Variants in STAC observed in about 807,000 individuals in gnomAD.
STAC encodes SH3 and cysteine rich domain, also known as SH3 and cysteine-rich domain-containing protein.
Under a neutral mutation model 48.8 loss-of-function variants are expected in STAC, and 43 were observed. That is an observed-to-expected ratio of 0.88 (90% CI 0.69 to 1.14). The LOEUF (loss-of-function observed/expected upper bound fraction) is 1.14. Among genes scored for constraint, STAC ranks in the 50% most tolerant of loss-of-function variants. The pLI, the probability that STAC is intolerant of heterozygous loss-of-function variation, is 0.00. For synonymous variants in STAC, 193 were observed against 179.5 expected (o/e 1.07, Z -0.60); for missense variants, 497 against 504.0 (o/e 0.99, Z 0.13).
intron 1 of STAC, among the ~76,000 whole-genome samples, chr3:36,398,276 A>G (rs981022024): frequency 6.7e-6 from 1 of 149,866 alleles, no homozygotes; most frequent in African/African-American, 2.5e-5. Flanking sequence ...TTTTACTGCC[A>G]TCTATGAAGG....
At chr3:36,524,215 C>A (rs34328673) in intron 8 of STAC, among the ~76,000 whole-genome samples, 14 of 152,164 alleles carry the variant, frequency 9.2e-5, no homozygotes, top group Non-Finnish European at 1.8e-4. Context: ...TGTTGGGGTG[C>A]GGACTTAGTC....
At chr3:36,475,813 T>A (rs1575225808) in intron 2 of STAC, among the ~76,000 whole-genome samples, 1 of 152,188 alleles carries the variant, frequency 6.6e-6, no homozygotes, top group Admixed American at 6.5e-5. Flanking sequence ...GAAGAGCCAG[T>A]AGCAGAGACA....
chr3:36,387,667 C>A (rs898534970), intron 1 of STAC, among the ~76,000 whole-genome samples: 5 of 151,940 alleles, frequency 3.3e-5, no homozygotes, highest in Admixed American at 2.0e-4. Context: ...TATCAGAATT[C>A]CCTTCTTTTT....
intron 1 of STAC, among the ~76,000 whole-genome samples, chr3:36,428,716 T>C (rs1348074543): frequency 6.6e-6 from 1 of 152,150 alleles, no homozygotes; most frequent in Non-Finnish European, 1.5e-5. Context: ...AGCAGTTTTC[T>C]GGTGTGTTTG....
At chr3:36,454,101 AAG>A (rs113805057) in intron 2 of STAC, among the ~76,000 whole-genome samples, 328 of 152,250 alleles carry the variant, frequency 2.2e-3, no homozygotes, top group African/African-American at 7.4e-3. Context: ...GGGGCCAAAT[AAG>A]AGAATAAAAG....
At chr3:36,485,473 TA>T (rs906514190) in intron 4 of STAC, among the ~76,000 whole-genome samples, 4 of 152,190 alleles carry the variant, frequency 2.6e-5, no homozygotes, top group Non-Finnish European at 5.9e-5. Flanking sequence ...ATAATTGCTA[TA>T]AAAAATAAAT....
intron 8 of STAC, among the ~76,000 whole-genome samples, chr3:36,527,277 T>C (rs1361184065): frequency 6.6e-6 from 1 of 152,206 alleles, no homozygotes; most frequent in Non-Finnish European, 1.5e-5. Context: ...AGAAATATTG[T>C]TTTGAAAATA....
chr3:36,462,540 A>G (rs1194188526), intron 2 of STAC, among the ~76,000 whole-genome samples: 1 of 152,162 alleles, frequency 6.6e-6, no homozygotes, highest in Non-Finnish European at 1.5e-5. Context: ...GGAGCCCTCC[A>G]ATGTTAAAAA....
At chr3:36,530,593 C>CTTT (rs577222686) in intron 10 of STAC, among the ~76,000 whole-genome samples, 2 of 72,018 alleles carry the variant, frequency 2.8e-5, no homozygotes, top group African/African-American at 6.1e-5. Context: ...TTTTTTTTTT[C>CTTT]TTTTTTTTTT....
Position 36,485,005 on chromosome 3 carries a change from C to T in STAC, c.518C>T (p.Ser173Phe). Residue 173 changes from serine to phenylalanine, a missense_variant, in exon 4 of 11, where the codon TCC becomes TTC. Ser to Phe is a radical substitution (Grantham distance 155). Transcript: ENST00000273183. The part of the protein sequence containing the change: ...LPKGFRRYYS[S>F]PLLIHEQFGC... ...AAGGGGTTTCGGCGTTACTACAGCT[C>T]CCCCTTGCTCATTCATGAACAGTTT... is the stretch of plus-strand genomic sequence containing the variant. 1 of 1,603,452 alleles carries T rather than the reference C, an allele frequency of 6.2e-7. No homozygotes were observed. The highest frequency in any genetic ancestry group is 8.5e-7 in the Non-Finnish European group (1 of 1,175,098).
chr3:36,475,645 G>A (rs1388578267), intron 2 of STAC, among the ~76,000 whole-genome samples: 2 of 152,160 alleles, frequency 1.3e-5, no homozygotes, highest in African/African-American at 2.4e-5. Flanking sequence ...GGGGAGGCAT[G>A]GTGAAAACTC....
Position 36,483,036 on chromosome 3 carries a change from A to G in STAC, c.433A>G (p.Ser145Gly). ...HGLRCKACKMSIHHKCTDGLA... is the reference protein window; with the variant it reads ...HGLRCKACKMGIHHKCTDGLA... ...ACTGCGCTGCAAAGCCTGTAAGATGAGCATCCACCACAAGTGCACAGATGG... is the reference window on the plus strand; with the variant it reads ...ACTGCGCTGCAAAGCCTGTAAGATGGGCATCCACCACAAGTGCACAGATGG... Residue 145 changes from serine to glycine, a missense_variant, in exon 3 of 11, where the codon AGC (serine) becomes GGC (glycine). By Grantham distance (56) the Ser-to-Gly change is moderately conservative. Transcript: ENST00000273183. 6.2e-7 allele frequency: 1 copy of G among 1,614,190 alleles called. No individual in the cohort carries two copies. The highest frequency in any genetic ancestry group is 8.5e-7 in the Non-Finnish European group (1 of 1,180,022).
intron 2 of STAC, among the ~76,000 whole-genome samples, chr3:36,473,992 C>T (rs1186161915): frequency 6.6e-6 from 1 of 152,190 alleles, no homozygotes; most frequent in Admixed American, 6.5e-5. Flanking sequence ...GCACCTTTAA[C>T]TTCTAATATG....
chr3:36,474,313 T>C (rs1247853175), intron 2 of STAC, among the ~76,000 whole-genome samples: 1 of 152,238 alleles, frequency 6.6e-6, no homozygotes, highest in Non-Finnish European at 1.5e-5. Context: ...CAGAATCTTC[T>C]AAGGTAAACT....
chr3:36,517,193 T>A (rs1315629221), intron 8 of STAC, among the ~76,000 whole-genome samples: 2 of 152,180 alleles, frequency 1.3e-5, no homozygotes, highest in Non-Finnish European at 2.9e-5. Context: ...ACCCAGGTTC[T>A]CCTATCAGGG....
intron 8 of STAC, among the ~76,000 whole-genome samples, chr3:36,521,427 C>T (rs942534498): frequency 6.6e-6 from 1 of 152,092 alleles, no homozygotes; most frequent in South Asian, 2.1e-4. Context: ...ACATTGCCAT[C>T]GCCCTCTAGG....
At chr3:36,426,828 A>C (rs1329870430) in intron 1 of STAC, among the ~76,000 whole-genome samples, 1 of 150,786 alleles carries the variant, frequency 6.6e-6, no homozygotes, top group Non-Finnish European at 1.5e-5. Context: ...ACACTCTTCT[A>C]ACATGGTTGG....
At chr3:36,486,318 G>A in intron 5 of STAC, 69 bp downstream of exon 5, 2 of 1,346,492 alleles carry the variant, frequency 1.5e-6, no homozygotes, top group Non-Finnish European at 1.0e-6. Flanking sequence ...AGGCACTGCA[G>A]TATGGGGTAT....
At chr3:36,514,536 C>A (rs1338802420) in intron 8 of STAC, among the ~76,000 whole-genome samples, 1 of 152,162 alleles carries the variant, frequency 6.6e-6, no homozygotes, top group African/African-American at 2.4e-5. Flanking sequence ...TTTGGCTAGT[C>A]TCTATCTCTC....
Sources: allele counts gnomAD v4.1 joint callset (sites outside exome capture counted in the v4.1 genomes callset), GRCh38; gene constraint gnomAD v4.1.1; transcripts MANE v1.5; gene names NCBI Gene and HGNC (gene_info 2026-07-23, HGNC 2026-07-21).